The following TNFAIP8 variants were observed in gnomAD, a reference collection of about 807,000 sequenced individuals.
TNFAIP8 encodes tumor necrosis factor alpha-induced protein 8.
In TNFAIP8, 7 loss-of-function variants were observed where a neutral mutation model predicts 13.3. The ratio of observed to expected loss-of-function variants is 0.52; its 90% CI spans 0.30 to 0.99. The LOEUF is 0.99. Among genes scored for constraint, TNFAIP8 ranks in the 50% least tolerant of loss-of-function variants. TNFAIP8 has a pLI of 0.07. For synonymous variants in TNFAIP8, 94 were observed against 87.6 expected, an observed-to-expected ratio of 1.07 and a Z score of -0.41; for missense variants, 258 against 236.9, an observed-to-expected ratio of 1.09 and a Z score of -0.58.
chr5:119,289,674 G>T (rs2150809824), intron 1 of TNFAIP8, among the ~76,000 whole-genome samples: 2 of 152,270 alleles, frequency 1.3e-5, no homozygotes, highest in South Asian at 4.1e-4. Context: ...TCTTCCTCCT[G>T]TTCCCATCAC....
At chr5:119,314,401 T>G (rs1749823980) in intron 1 of TNFAIP8, among the ~76,000 whole-genome samples, 1 of 152,220 alleles carries the variant, frequency 6.6e-6, no homozygotes, top group Admixed American at 6.5e-5. Flanking sequence ...TGTGAAATGT[T>G]TCCTCTCTCT....
At chr5:119,363,671 G>A (rs1751717270) in intron 1 of TNFAIP8, among the ~76,000 whole-genome samples, 1 of 152,214 alleles carries the variant, frequency 6.6e-6, no homozygotes, top group South Asian at 2.1e-4. Context: ...ATGTGAGAGG[G>A]TCTTTCTTAC....
intron 1 of TNFAIP8, among the ~76,000 whole-genome samples, chr5:119,310,100 T>C (rs935996537): frequency 1.3e-5 from 2 of 152,208 alleles, no homozygotes; most frequent in African/African-American, 2.4e-5. Context: ...AGAGGTTTTC[T>C]TCCCCAAGGA....
chr5:119,319,746 A>G (rs769206161), intron 1 of TNFAIP8, among the ~76,000 whole-genome samples: 4 of 152,172 alleles, frequency 2.6e-5, no homozygotes, highest in Non-Finnish European at 5.9e-5. Flanking sequence ...CTTTATGTTA[A>G]AGAACGCCGA....
chr5:119,293,168 C>T (rs965160616), intron 1 of TNFAIP8, among the ~76,000 whole-genome samples: 1 of 152,020 alleles, frequency 6.6e-6, no homozygotes, highest in Admixed American at 6.6e-5. Context: ...AGCCATTTAA[C>T]ACATGCATTA....
intron 1 of TNFAIP8, among the ~76,000 whole-genome samples, chr5:119,345,278 A>C (rs1750860708): frequency 6.6e-6 from 1 of 152,248 alleles, no homozygotes; most frequent in Admixed American, 6.5e-5. Flanking sequence ...ATTTAAAGGA[A>C]AGTTTAAAAT....
At chr5:119,285,340 C>T (rs1295490099) in intron 1 of TNFAIP8, among the ~76,000 whole-genome samples, 2 of 152,138 alleles carry the variant, frequency 1.3e-5, no homozygotes, top group Non-Finnish European at 2.9e-5. Context: ...TCATTTTAAG[C>T]ATGGGAACCA....
At chr5:119,296,853 G>C (rs1448541781) in intron 1 of TNFAIP8, among the ~76,000 whole-genome samples, 2 of 151,942 alleles carry the variant, frequency 1.3e-5, no homozygotes, top group African/African-American at 4.8e-5. Flanking sequence ...GTTTAGTCTT[G>C]GGAGGGTGTA....
At chr5:119,383,863 G>T (rs2112846093) in intron 1 of TNFAIP8, among the ~76,000 whole-genome samples, 1 of 152,230 alleles carries the variant, frequency 6.6e-6, no homozygotes. Flanking sequence ...TTCTTCCCTG[G>T]AAGCTATTTC....
intron 1 of TNFAIP8, among the ~76,000 whole-genome samples, chr5:119,288,700 A>G (rs1748885239): frequency 6.6e-6 from 1 of 152,232 alleles, no homozygotes; most frequent in Admixed American, 6.5e-5. Flanking sequence ...TTTACATAGA[A>G]GGATCAATCT....
chr5:119,370,563 AT>A (rs1246640517), intron 1 of TNFAIP8, among the ~76,000 whole-genome samples: 2 of 152,232 alleles, frequency 1.3e-5, no homozygotes, highest in Non-Finnish European at 2.9e-5. Context: ...AATGGTCTGA[AT>A]TAAGCCTGGA....
intron 1 of TNFAIP8, among the ~76,000 whole-genome samples, chr5:119,304,015 T>A (rs1288842751): frequency 1.3e-5 from 2 of 152,242 alleles, no homozygotes; most frequent in Non-Finnish European, 2.9e-5. Flanking sequence ...GAGTCTCCTT[T>A]CTTATGGCTT....
intron 1 of TNFAIP8, among the ~76,000 whole-genome samples, chr5:119,367,044 G>T (rs868751829): frequency 2.0e-5 from 3 of 152,306 alleles, no homozygotes; most frequent in Middle Eastern, 3.4e-3. Context: ...TTGCTGCTAG[G>T]AGAGGCAGCC....
chr5:119,291,605 G>A (rs909975359), intron 1 of TNFAIP8, among the ~76,000 whole-genome samples: 2 of 152,144 alleles, frequency 1.3e-5, no homozygotes, highest in African/African-American at 4.8e-5. Flanking sequence ...GTGCAGGAAG[G>A]GCTGCTTTCA....
At chr5:119,314,378 T>C (rs1749823535) in intron 1 of TNFAIP8, among the ~76,000 whole-genome samples, 2 of 152,228 alleles carry the variant, frequency 1.3e-5, no homozygotes, top group Admixed American at 1.3e-4. Flanking sequence ...TTCCCGGATA[T>C]GTTCATATGT....
intron 1 of TNFAIP8, among the ~76,000 whole-genome samples, chr5:119,281,676 G>T (rs1009455456): frequency 1.3e-5 from 2 of 152,114 alleles, no homozygotes. Context: ...TGCATCATCA[G>T]ATCTTATTAT....
intron 1 of TNFAIP8, among the ~76,000 whole-genome samples, chr5:119,300,886 A>G (rs558209073): frequency 5.3e-5 from 8 of 152,252 alleles, no homozygotes; most frequent in Non-Finnish European, 4.4e-5. Context: ...AGGAGGTGAT[A>G]TTTTCCTAGA....
intron 1 of TNFAIP8, among the ~76,000 whole-genome samples, chr5:119,390,417 C>A (rs1250968581): frequency 1.3e-5 from 2 of 151,992 alleles, no homozygotes; most frequent in South Asian, 2.1e-4. Flanking sequence ...GACATAAATT[C>A]TTTAGTGTGA....
At chr5:119,386,443 A>G (rs923912629) in intron 1 of TNFAIP8, among the ~76,000 whole-genome samples, 1 of 152,242 alleles carries the variant, frequency 6.6e-6, no homozygotes, top group Non-Finnish European at 1.5e-5. Flanking sequence ...TAAAATAGCT[A>G]AGCGAAGGAC....
Sources: allele counts gnomAD v4.1 joint callset (sites outside exome capture counted in the v4.1 genomes callset), GRCh38; gene constraint gnomAD v4.1.1; transcripts MANE v1.5; gene names NCBI Gene and HGNC (gene_info 2026-07-23, HGNC 2026-07-21).